Variants in ELAVL3 observed in about 807,000 individuals in gnomAD.
ELAVL3 encodes ELAV-like protein 3.
A neutral mutation model predicts 34.2 loss-of-function variants in ELAVL3; 8 were observed. The observed-to-expected ratio is 0.23, with a 90% CI of 0.14 to 0.42. The LOEUF (loss-of-function observed/expected upper bound fraction) is 0.42. Ranked by LOEUF, ELAVL3 falls within the 10% of genes least tolerant of loss-of-function variation. ELAVL3 has a pLI of 1.00. For synonymous variants in ELAVL3, 209 were observed against 222.1 expected (o/e 0.94, Z 0.53); for missense variants, 273 against 518.8 (o/e 0.53, Z 4.60).
chr19:11,479,884 C>T lies in ELAVL3; in HGVS notation c.9+716G>A, dbSNP rs139736265. 4.9e-3 allele frequency among the ~76,000 whole-genome samples: 744 copies of T among 151,872 alleles called. 8 individuals carry two copies. The highest frequency in any genetic ancestry group is 0.017 in the African/African-American group (724 of 41,472). On this transcript the variant is annotated intron_variant, in intron 1 of 6. Transcript: ENST00000359227. ...TAAGGGGGCTGTCTCGGCCTCCCAC[C>T]CCATCTCCCGGGGGGCGGAGACCCG...
rs950823031 is a variant in ELAVL3 at position 11,451,494 on chromosome 19, C to CTTTTTTTTTTTTTTTTTTTTTTTTTTTT, written c.*3031_*3032insAAAAAAAAAAAAAAAAAAAAAAAAAAAA. 2 of 65,532 alleles carry CTTTTTTTTTTTTTTTTTTTTTTTTTTTT rather than the reference C, an allele frequency of 3.1e-5. No individual in the cohort carries two copies. Among genetic ancestry groups the CTTTTTTTTTTTTTTTTTTTTTTTTTTTT allele is most frequent in the African/African-American group, 5.8e-5 (1 of 17,220 alleles). 4.1% of individuals were successfully genotyped at this position (65,532 alleles called of 1,614,324 possible). On this transcript the variant is annotated 3_prime_UTR_variant, in exon 7 of 7. Coordinates refer to ENST00000359227, the MANE Select transcript of ELAVL3 (RefSeq NM_001420.4). ...TTTTTTTTTTTGTCTTTTGTTTTGT[C>CTTTTTTTTTTTTTTTTTTTTTTTTTTTT]TTTTTTTTTTTTTTTTTTTTTACAG...
At chr19:11,475,110 C>A (rs1224893620) in intron 1 of ELAVL3, among the ~76,000 whole-genome samples, 3 of 152,166 alleles carry the variant, frequency 2.0e-5, no homozygotes, top group Non-Finnish European at 4.4e-5. Context: ...CAGGCATGAG[C>A]CACCGCACCC....
At position 11,458,566 on chromosome 19, in the gene ELAVL3, G is replaced by C. The variant is rs776476930; in HGVS notation, c.379C>G (p.Leu127Val). ...GTCTTGGGGAGCCCGCTGACGTACA[G>C]GTTAGCATCCCGGATGGATGCTGAA... is the stretch of plus-strand genomic sequence containing the variant. ...PSSASIRDAN[L>V]YVSGLPKTMS... is the part of the protein sequence containing the mutation. The change falls in exon 4 of 7, where the codon CTG becomes GTG. Residue 127 changes from leucine to valine, a missense_variant. Leu to Val is a conservative substitution (Grantham distance 32). Around this residue, in one of 4 missense-constraint regions of ELAVL3, gnomAD observed 102 missense variants for 250.1 expected, o/e 0.41. Coordinates refer to ENST00000359227, the MANE Select transcript of ELAVL3 (RefSeq NM_001420.4). The surrounding 1 kb of genome is among the most constrained non-coding windows in gnomAD (Gnocchi z 7.3). 1 of 1,614,128 alleles carries C rather than the reference G, an allele frequency of 6.2e-7. No individual in the cohort carries two copies.
intron 1 of ELAVL3, among the ~76,000 whole-genome samples, chr19:11,478,813 C>T (rs746746709): frequency 7.9e-5 from 12 of 152,106 alleles, no homozygotes; most frequent in Non-Finnish European, 1.5e-4. Flanking sequence ...CCCCACGGCC[C>T]CCAGCTGCGG....
chr19:11,474,359 G>A (rs891908640), intron 1 of ELAVL3, among the ~76,000 whole-genome samples: 2 of 152,132 alleles, frequency 1.3e-5, no homozygotes, highest in African/African-American at 4.8e-5. Flanking sequence ...CACTTTGGGA[G>A]GCCGAGGCAG....
At chr19:11,456,655 G>T (rs533798334) in intron 6 of ELAVL3, among the ~76,000 whole-genome samples, 80 of 151,384 alleles carry the variant, frequency 5.3e-4, no homozygotes, top group African/African-American at 1.8e-3. Flanking sequence ...ATGAGACACC[G>T]CGCCCAGCCA....
Position 11,453,618 on chromosome 19 carries a change from C to G in ELAVL3, c.*908G>C, listed in dbSNP as rs1387384282. The G allele has an allele frequency of 6.5e-6, 1 of 152,892 alleles. No individual in the cohort carries two copies. The highest frequency in any genetic ancestry group is 6.5e-5 in the Admixed American group (1 of 15,284). 9.5% of individuals were successfully genotyped at this position (152,892 alleles called of 1,614,324 possible). ...CCAGCTTCTGTCTCTTTCTGTCTAT[C>G]CCTGTCCACGTGTCTGAGTTTGGCC... On this transcript the variant is annotated 3_prime_UTR_variant, in exon 7 of 7. Coordinates refer to ENST00000359227, the MANE Select transcript of ELAVL3 (RefSeq NM_001420.4).
chr19:11,454,846 T>C lies in ELAVL3; in HGVS notation c.784A>G (p.Ile262Val). ...AGGCCGCTCATACCATCGATGGCGA[T>C]CGGCGAGAACCTGGCGATGAGCGAC... ...PLSLIARFSP[I>V]AIDGMSGLAG... The change falls in exon 7 of 7, where the codon ATC becomes GTC. Residue 262 changes from isoleucine (I) to valine (V), a missense_variant. Transcript: ENST00000359227. This position sits in a 1 kb window ranked among gnomAD's most constrained non-coding sequence, Gnocchi z 9.2. 1 of 1,605,110 alleles carries C rather than the reference T, an allele frequency of 6.2e-7. No homozygotes were observed. The highest frequency in any genetic ancestry group is 8.5e-7 in the Non-Finnish European group (1 of 1,178,278).
intron 6 of ELAVL3, among the ~76,000 whole-genome samples, chr19:11,455,370 A>G (rs893458799): frequency 2.7e-5 from 4 of 148,576 alleles, no homozygotes; most frequent in African/African-American, 1.0e-4. Context: ...GGATGATCTC[A>G]GCTCACTGCA....
At chr19:11,469,048 T>G (rs1435410058) in intron 1 of ELAVL3, among the ~76,000 whole-genome samples, 1 of 152,158 alleles carries the variant, frequency 6.6e-6, no homozygotes, top group Non-Finnish European at 1.5e-5. Flanking sequence ...GCCTCCCCAG[T>G]ACTTGGGGCT....
In ELAVL3 at chr19:11,458,578, G is replaced by T. The variant is rs769458458; in HGVS notation, c.367C>A (p.Arg123=). The part of the protein sequence containing the change: ...SYARPSSASI[R]DANLYVSGLP... ...CCGCTGACGTACAGGTTAGCATCCC[G>T]GATGGATGCTGAACTGGGTCTGGCA... The change falls in exon 4 of 7, where the codon CGG becomes AGG. Residue 123 remains arginine (R), a synonymous_variant. Transcript: ENST00000359227. This position sits in a 1 kb window ranked among gnomAD's most constrained non-coding sequence, Gnocchi z 7.3. 1 of 1,614,036 alleles carries T rather than the reference G, an allele frequency of 6.2e-7. No homozygotes were observed. The highest frequency in any genetic ancestry group is 8.5e-7 in the Non-Finnish European group (1 of 1,180,020).
chr19:11,472,372 T>G (rs770467674), intron 1 of ELAVL3, among the ~76,000 whole-genome samples: 1 of 151,492 alleles, frequency 6.6e-6, no homozygotes, highest in Non-Finnish European at 1.5e-5. Flanking sequence ...TGATTGGTAG[T>G]GTCTTCCTAG....
At chr19:11,467,036 A>G (rs1460650612) in intron 1 of ELAVL3, among the ~76,000 whole-genome samples, 1 of 152,204 alleles carries the variant, frequency 6.6e-6, no homozygotes, top group Non-Finnish European at 1.5e-5. Context: ...TGATGTTTTT[A>G]CTGCAAGAAA....
At position 11,454,470 on chromosome 19, in the gene ELAVL3, TC is replaced by T; in HGVS notation, c.*55del. The T allele has an allele frequency of 7.5e-6, 3 of 399,830 alleles. No individual in the cohort carries two copies. The highest frequency in any genetic ancestry group is 2.4e-5 in the African/African-American group (1 of 41,302). 24.8% of individuals were successfully genotyped at this position (399,830 alleles called of 1,614,324 possible). On this transcript the variant is annotated 3_prime_UTR_variant, in exon 7 of 7. Coordinates refer to ENST00000359227, the MANE Select transcript of ELAVL3 (RefSeq NM_001420.4). The surrounding 1 kb of genome is among the most constrained non-coding windows in gnomAD (Gnocchi z 9.2). The stretch of plus-strand genomic sequence containing the variant: ...CCCCTTCTCTCTCTCTCTCTCTCTT[TC>T]TCTCTCTCTCTCTCTGCTGCCCGGG...
At position 11,457,945 on chromosome 19, in the gene ELAVL3, G is replaced by T; in HGVS notation, c.713+116C>A. On this transcript the variant is annotated intron_variant, in intron 5 of 6. Coordinates refer to ENST00000359227, the MANE Select transcript of ELAVL3 (RefSeq NM_001420.4). ...TGGCACCTGACAGATAGGCTCCTTG[G>T]CTCCCATGTGTGCGCACCCTCCCGG... 3 of 1,097,554 alleles carry T rather than the reference G, an allele frequency of 2.7e-6. 1 individual carries two copies. In the South Asian group the frequency reaches 4.4e-5, roughly 16 times the overall value. 68.0% of individuals were successfully genotyped at this position (1,097,554 alleles called of 1,614,324 possible).
intron 1 of ELAVL3, among the ~76,000 whole-genome samples, chr19:11,473,924 T>C (rs1034825980): frequency 3.9e-5 from 6 of 152,236 alleles, no homozygotes; most frequent in African/African-American, 1.4e-4. Flanking sequence ...TAAAGCCATA[T>C]GCTGTAAAGC....
rs199954923 is a variant in ELAVL3 at position 11,480,580 on chromosome 19, G to T, written c.9+20C>A. The T allele has an allele frequency of 1.3e-6, 2 of 1,503,502 alleles. No homozygotes were observed. Among genetic ancestry groups the T allele is most frequent in the Non-Finnish European group, 1.8e-6 (2 of 1,126,672 alleles). The allele number at this position is 1,503,502 out of a possible 1,614,324, so 93.1% of individuals were successfully genotyped here. ...CTCCTCCCCGTCCCGATTCCCTTTC[G>T]GCGACAGGGGAATACCTACAGTGAC... On this transcript the variant is annotated intron_variant, in intron 1 of 6. Coordinates refer to ENST00000359227, the MANE Select transcript of ELAVL3 (RefSeq NM_001420.4). This position sits in a 1 kb window ranked among gnomAD's most constrained non-coding sequence, Gnocchi z 6.8.
chr19:11,468,708 G>A (rs1179702221), intron 1 of ELAVL3, among the ~76,000 whole-genome samples: 3 of 151,804 alleles, frequency 2.0e-5, no homozygotes, highest in Non-Finnish European at 4.4e-5. Flanking sequence ...TTACAGGCAT[G>A]AGCCACCACG....
intron 3 of ELAVL3, among the ~76,000 whole-genome samples, chr19:11,464,609 C>A (rs887779608): frequency 7.8e-5 from 11 of 140,596 alleles, no homozygotes. Flanking sequence ...ACACATACAC[C>A]ACACACACCA....
Sources: allele counts gnomAD v4.1 joint callset (sites outside exome capture counted in the v4.1 genomes callset), GRCh38; gene constraint gnomAD v4.1.1; regional missense constraint gnomAD v4.1.1; non-coding constraint Gnocchi (gnomAD v3.1); transcripts MANE v1.5; gene names NCBI Gene and HGNC (gene_info 2026-07-23, HGNC 2026-07-21).